Variants in RPS6KC1 observed in about 807,000 individuals in gnomAD.
The protein encoded by RPS6KC1 is inactive ribosomal protein S6 kinase delta-1.
A neutral mutation model predicts 103.8 loss-of-function variants in RPS6KC1; 54 were observed. That is an observed-to-expected ratio of 0.52 (90% CI 0.42 to 0.65). RPS6KC1 has a LOEUF of 0.65. RPS6KC1 is among the 30% of genes least tolerant of loss of function. RPS6KC1 has a pLI of 0.00. For missense variants in RPS6KC1, 1,151 were observed against 1,253.8 expected, an observed-to-expected ratio of 0.92 and a Z score of 1.24; for synonymous variants, 439 against 438.7, an observed-to-expected ratio of 1.00 and a Z score of -0.01.
chr1:213,468,008 T>TGAGA, the RPS6KC1 span, among the ~76,000 whole-genome samples: 1 of 152,234 alleles, frequency 6.6e-6, no homozygotes, highest in African/African-American at 2.4e-5. Flanking sequence ...ATTTGTTCTC[T>TGAGA]CCTTTAAGAT....
the RPS6KC1 span, among the ~76,000 whole-genome samples, chr1:213,646,948 A>T: frequency 3.3e-5 from 5 of 151,616 alleles, no homozygotes; most frequent in African/African-American, 4.9e-5. Context: ...CCCAGGCTGG[A>T]GTGCAGTAGC....
chr1:213,374,457 A>T, the RPS6KC1 span, among the ~76,000 whole-genome samples: 1 of 152,006 alleles, frequency 6.6e-6, no homozygotes, highest in African/African-American at 2.4e-5. Flanking sequence ...CCCTGTAGTA[A>T]TTGAGGGGGA....
chr1:213,649,851 T>G, the RPS6KC1 span, among the ~76,000 whole-genome samples: 57,436 of 152,044 alleles, frequency 0.38, 12,185 homozygotes, highest in Non-Finnish European at 0.49. Flanking sequence ...TTGCTGTTCA[T>G]GGTGGCGGTG....
At chr1:213,687,132 C>T in the RPS6KC1 span, among the ~76,000 whole-genome samples, 1 of 152,144 alleles carries the variant, frequency 6.6e-6, no homozygotes, top group African/African-American at 2.4e-5. Context: ...TCAACGAAGC[C>T]TTTGTGACCT....
chr1:213,343,081 T>C, the RPS6KC1 span, among the ~76,000 whole-genome samples: 1 of 151,872 alleles, frequency 6.6e-6, no homozygotes, highest in Admixed American at 6.6e-5. Flanking sequence ...TATTGTATTG[T>C]AAAATAACTA....
chr1:213,605,545 G>T, the RPS6KC1 span, among the ~76,000 whole-genome samples: 1 of 152,356 alleles, frequency 6.6e-6, no homozygotes, highest in South Asian at 2.1e-4. Flanking sequence ...TGAGGTGATT[G>T]TACTGATCTG....
At chr1:213,132,878 T>TA (rs916686170) in intron 6 of RPS6KC1, among the ~76,000 whole-genome samples, 1 of 152,352 alleles carries the variant, frequency 6.6e-6, no homozygotes, top group African/African-American at 2.4e-5. Context: ...GTTATTTTGT[T>TA]ACTAAACTAT....
chr1:213,452,989 T>G, the RPS6KC1 span, among the ~76,000 whole-genome samples: 1 of 152,150 alleles, frequency 6.6e-6, no homozygotes, highest in Non-Finnish European at 1.5e-5. Flanking sequence ...AGCACCCTGC[T>G]AACATGCTGG....
chr1:213,799,861 A>C, the RPS6KC1 span, among the ~76,000 whole-genome samples: 1 of 152,238 alleles, frequency 6.6e-6, no homozygotes, highest in Non-Finnish European at 1.5e-5. Context: ...AAAATACCAT[A>C]GACTGAGTGG....
chr1:213,570,719 C>T, the RPS6KC1 span, among the ~76,000 whole-genome samples: 1 of 152,240 alleles, frequency 6.6e-6, no homozygotes, highest in East Asian at 1.9e-4. Flanking sequence ...TGACCCAGGT[C>T]AAATGGTGTG....
chr1:213,163,906 T>C (rs1209835482), intron 6 of RPS6KC1, among the ~76,000 whole-genome samples: 1 of 152,254 alleles, frequency 6.6e-6, no homozygotes, highest in African/African-American at 2.4e-5. Flanking sequence ...CAAATTCTTA[T>C]GTTTATTTCT....
At chr1:213,862,032 AGCG>A in the RPS6KC1 span, among the ~76,000 whole-genome samples, 3 of 152,122 alleles carry the variant, frequency 2.0e-5, no homozygotes, top group African/African-American at 7.2e-5. Flanking sequence ...GCGGCTAGAA[AGCG>A]GGGGGCAGGT....
the RPS6KC1 span, among the ~76,000 whole-genome samples, chr1:213,793,864 G>GT: frequency 1.1e-3 from 167 of 152,054 alleles, no homozygotes; most frequent in African/African-American, 3.9e-3. Context: ...GGCGGAAAGG[G>GT]TTTTTTTGTG....
rs2148613512 is a variant in RPS6KC1 at position 213,204,932 on chromosome 1, C to A, written c.1045-25565C>A. Among the ~76,000 whole-genome samples the A allele has an allele frequency of 1.3e-5, 2 of 152,192 alleles. 1 individual carries two copies. Among genetic ancestry groups the A allele is most frequent in the Non-Finnish European group, 2.9e-5 (2 of 67,990 alleles). ...GCATAAACCACAATGCCTGGCCTCA[C>A]TTTTTATAATGGACTTAAATCAGTT... On this transcript the variant is annotated intron_variant, in intron 8 of 14. Transcript: ENST00000366960.
At chr1:213,177,518 T>C (rs2091950475) in intron 8 of RPS6KC1, among the ~76,000 whole-genome samples, 1 of 152,200 alleles carries the variant, frequency 6.6e-6, no homozygotes, top group Non-Finnish European at 1.5e-5. Context: ...GAACATTAAG[T>C]TGGATATTAC....
At chr1:213,662,795 C>A in the RPS6KC1 span, among the ~76,000 whole-genome samples, 1 of 152,156 alleles carries the variant, frequency 6.6e-6, no homozygotes, top group Non-Finnish European at 1.5e-5. Flanking sequence ...CCATCACAGC[C>A]CTTTTACTAA....
At chr1:213,598,729 C>A in the RPS6KC1 span, among the ~76,000 whole-genome samples, 1 of 151,958 alleles carries the variant, frequency 6.6e-6, no homozygotes, top group African/African-American at 2.4e-5. Flanking sequence ...ACTAGCCTGG[C>A]CAACATGATG....
the RPS6KC1 span, among the ~76,000 whole-genome samples, chr1:213,590,771 G>A: frequency 8.2e-6 from 1 of 121,850 alleles, no homozygotes; most frequent in Admixed American, 7.4e-5. Context: ...CGGCAGCCGG[G>A]TGGTGGTGGC....
chr1:213,789,352 A>C, the RPS6KC1 span, among the ~76,000 whole-genome samples: 1 of 152,196 alleles, frequency 6.6e-6, no homozygotes, highest in African/African-American at 2.4e-5. Context: ...TGTTTAATTA[A>C]TGAACATATT....
Sources: gnomAD v4.1 joint callset for allele counts (sites outside exome capture counted in the v4.1 genomes callset) on GRCh38, gnomAD v4.1.1 for gene constraint, MANE v1.5 for transcripts, NCBI Gene and HGNC (gene_info 2026-07-23, HGNC 2026-07-21) for gene names.